SRGAP2: variants seen among roughly 807,000 people sequenced by gnomAD.
SRGAP2 encodes SLIT-ROBO Rho GTPase activating protein 2, also known as SLIT-ROBO Rho GTPase-activating protein 2.
In SRGAP2, 15 loss-of-function variants were observed where a neutral mutation model predicts 57.2. That is an observed-to-expected ratio of 0.26 (90% CI 0.18 to 0.40). SRGAP2 has a LOEUF of 0.40. Ranked by LOEUF, SRGAP2 falls within the 10% of genes least tolerant of loss-of-function variation. The pLI, the probability that SRGAP2 is intolerant of heterozygous loss-of-function variation, is 1.00. For synonymous variants in SRGAP2, 249 were observed against 248.0 expected, an observed-to-expected ratio of 1.00 and a Z score of -0.04; for missense variants, 520 against 669.6, an observed-to-expected ratio of 0.78 and a Z score of 2.47.
chr1:206,389,284 C>T (rs1656669100), intron 5 of SRGAP2, among the ~76,000 whole-genome samples: 1 of 147,626 alleles, frequency 6.8e-6, no homozygotes, highest in Non-Finnish European at 1.5e-5. Context: ...ATGCCATTCT[C>T]CTGCCTCAGC....
chr1:206,405,035 GC>G (rs1430987241), intron 8 of SRGAP2: 1 of 113,672 alleles, frequency 8.8e-6, no homozygotes, highest in Non-Finnish European at 1.9e-5. Context: ...ACCTACCCCT[GC>G]CGGGCTCCAA....
At chr1:206,421,386 A>G (rs1660292970) in intron 13 of SRGAP2, 112 bp downstream of exon 13, 2 of 526,812 alleles carry the variant, frequency 3.8e-6, no homozygotes, top group Non-Finnish European at 6.9e-6. Flanking sequence ...TCATGCCTGC[A>G]TTTGGAATGT....
intron 14 of SRGAP2, 56 bp from the exon 15 acceptor site, chr1:206,436,909 C>G (rs1553370224): frequency 1.3e-6 from 1 of 779,440 alleles, no homozygotes; most frequent in Non-Finnish European, 2.4e-6. Context: ...AAGCTTGGCA[C>G]TATGCTTGTG....
In SRGAP2 at chr1:206,231,763, C is replaced by T. The variant is rs376048098; in HGVS notation, c.67+25726C>T. On this transcript the variant is annotated intron_variant, in intron 2 of 22. Transcript: ENST00000573034. ...ATGTTGAGCAGGCTGGTCTTGAACTCCAGGCCTCGAGCAATCCACCTGCCT... is the reference window on the plus strand; with the variant it reads ...ATGTTGAGCAGGCTGGTCTTGAACTTCAGGCCTCGAGCAATCCACCTGCCT... 5.0e-4 allele frequency among the ~76,000 whole-genome samples: 75 copies of T among 151,482 alleles called. 1 individual carries two copies. In the East Asian group the frequency reaches 0.011, roughly 22 times the overall value.
intron 3 of SRGAP2, among the ~76,000 whole-genome samples, chr1:206,334,436 C>T (rs1241004868): frequency 6.6e-6 from 1 of 151,984 alleles, no homozygotes; most frequent in Non-Finnish European, 1.5e-5. Flanking sequence ...TATAGTTTCA[C>T]AGAATCAAGA....
At chr1:206,315,821 G>GC (rs1489570853) in intron 3 of SRGAP2, among the ~76,000 whole-genome samples, 2 of 149,272 alleles carry the variant, frequency 1.3e-5, no homozygotes, top group Non-Finnish European at 3.0e-5. Context: ...GTGACCTTAA[G>GC]CAAGTCACTT....
chr1:206,445,396 G>A (rs1253104777), intron 17 of SRGAP2, among the ~76,000 whole-genome samples: 1 of 152,200 alleles, frequency 6.6e-6, no homozygotes, highest in Non-Finnish European at 1.5e-5. Flanking sequence ...GAGGAAGCCC[G>A]AGCAGAAGCC....
intron 2 of SRGAP2, among the ~76,000 whole-genome samples, chr1:206,225,780 T>G (rs1667240069): frequency 1.3e-5 from 2 of 152,210 alleles, no homozygotes; most frequent in African/African-American, 4.8e-5. Context: ...AATAGCATTT[T>G]CTTTCCCTGT....
intron 3 of SRGAP2, chr1:206,333,495 G>A (rs1202755952): frequency 1.1e-5 from 16 of 1,453,008 alleles, no homozygotes; most frequent in Admixed American, 5.1e-5. Context: ...TGGTGCGGGC[G>A]GCGCGGCTCT....
At chr1:206,394,323 A>G (rs1257400795) in intron 7 of SRGAP2, among the ~76,000 whole-genome samples, 1 of 152,016 alleles carries the variant, frequency 6.6e-6, no homozygotes, top group Non-Finnish European at 1.5e-5. Flanking sequence ...CGACTTCCCA[A>G]AGTGCTAGGA....
intron 21 of SRGAP2, among the ~76,000 whole-genome samples, chr1:206,457,823 C>A (rs1487492682): frequency 6.6e-6 from 1 of 152,220 alleles, no homozygotes; most frequent in East Asian, 1.9e-4. Context: ...CAGAGCTGTT[C>A]AGCAGCCATC....
intron 5 of SRGAP2, among the ~76,000 whole-genome samples, chr1:206,391,602 T>TAC (rs1656958038): frequency 1.8e-5 from 2 of 113,190 alleles, no homozygotes; most frequent in Admixed American, 1.8e-4. Flanking sequence ...ACTCCTGTGT[T>TAC]ACACACACAC....
At chr1:206,414,456 A>G (rs750186244) in intron 10 of SRGAP2, among the ~76,000 whole-genome samples, 9 of 152,218 alleles carry the variant, frequency 5.9e-5, no homozygotes, top group Non-Finnish European at 1.0e-4. Flanking sequence ...AACTATTACC[A>G]TTTAAAATGG....
intron 18 of SRGAP2, among the ~76,000 whole-genome samples, chr1:206,449,462 T>C (rs1444508772): frequency 4.5e-5 from 6 of 134,388 alleles, no homozygotes; most frequent in South Asian, 2.4e-4. Flanking sequence ...TTTTTTTTTT[T>C]CTTTTTTTGT....
At position 206,454,552 on chromosome 1, in the gene SRGAP2, G is replaced by A; in HGVS notation, c.2361-326G>A. 2.4e-6 allele frequency: 1 copy of A among 408,740 alleles called. No individual in the cohort carries two copies. Among genetic ancestry groups the A allele is most frequent in the Non-Finnish European group, 4.4e-6 (1 of 229,700 alleles). The allele number at this position is 408,740 out of a possible 1,614,324, so 25.3% of individuals were successfully genotyped here. ...CTGGACTTGCCGCCTCCTTCTCCAGGAGGCCGCCCCAGCACGGCCTCCCCA... is the reference window on the plus strand; with the variant it reads ...CTGGACTTGCCGCCTCCTTCTCCAGAAGGCCGCCCCAGCACGGCCTCCCCA... On this transcript the variant is annotated intron_variant, in intron 20 of 22. Coordinates refer to ENST00000573034, the MANE Select transcript of SRGAP2 (RefSeq NM_015326.5). This position sits in a 1 kb window ranked among gnomAD's most constrained non-coding sequence, Gnocchi z 4.3.
In SRGAP2 at chr1:206,364,299, C is replaced by CTTTTT. The variant is rs1194605542; in HGVS notation, c.424-19699_424-19695dup. 9.4e-4 allele frequency among the ~76,000 whole-genome samples: 111 copies of CTTTTT among 118,568 alleles called. 2 individuals are homozygous for CTTTTT. The highest frequency in any genetic ancestry group is 3.5e-3 in the African/African-American group (106 of 30,026). The allele number at this position is 118,568 out of a possible 152,430, so 77.8% of individuals were successfully genotyped here. A position where few individuals can be genotyped will look rare whatever the true frequency, so the allele number is the denominator to read the frequency against. On this transcript the variant is annotated intron_variant, in intron 4 of 22. Transcript: ENST00000573034. ...TCTATATAACCTCTGGGTTGCTCTT[C>CTTTTT]TTTTTTTTTTTTTTTTTTTTGAGAT...
chr1:206,450,393 C>T lies in SRGAP2; in HGVS notation c.2107C>T (p.Pro703Ser). 1 of 780,814 alleles carries T rather than the reference C, an allele frequency of 1.3e-6. No homozygotes were observed. The highest frequency in any genetic ancestry group is 2.4e-6 in the Non-Finnish European group (1 of 417,980). 48.4% of individuals were successfully genotyped at this position (780,814 alleles called of 1,614,324 possible). A position where few individuals can be genotyped will look rare whatever the true frequency, so the allele number is the denominator to read the frequency against. ...CTCTTGCTTCTGTTGCAGTGATAGCCCTCATGGAGAGACTACCTCGGTTGA... is the reference window on the plus strand; with the variant it reads ...CTCTTGCTTCTGTTGCAGTGATAGCTCTCATGGAGAGACTACCTCGGTTGA... The part of the protein sequence containing the change: ...GGSMEDYCDS[P>S]HGETTSVEDS... The change falls in exon 19 of 23, where the codon CCT (proline) becomes TCT (serine). Residue 703 changes from proline (P) to serine (S), a missense_variant. Physicochemically the swap from Pro to Ser is moderately conservative, Grantham distance 74. This residue lies in a region of SRGAP2 where 478 missense variants were observed against 373.6 expected (regional missense o/e 1.28). Transcript: ENST00000573034.
chr1:206,461,765 A>T lies in SRGAP2; in HGVS notation c.*345A>T, dbSNP rs545087400. On this transcript the variant is annotated 3_prime_UTR_variant, in exon 23 of 23. Transcript: ENST00000573034. The stretch of plus-strand genomic sequence containing the variant: ...GTCTCAGTCCCCTCAGACCACGGTG[A>T]TGCCTTGACCAGATGGTTGGCTACT... 27 of 229,680 alleles carry T rather than the reference A, an allele frequency of 1.2e-4. No individual in the cohort carries two copies. The highest frequency in any genetic ancestry group is 1.6e-4 in the Non-Finnish European group (19 of 116,590). The allele number at this position is 229,680 out of a possible 1,614,324, so 14.2% of individuals were successfully genotyped here.
At chr1:206,444,816 C>T (rs979728957) in intron 17 of SRGAP2, among the ~76,000 whole-genome samples, 1 of 152,224 alleles carries the variant, frequency 6.6e-6, no homozygotes, top group Non-Finnish European at 1.5e-5. Flanking sequence ...TAACCTCCCC[C>T]GTTGCTGGCC....
Sources: allele counts gnomAD v4.1 joint callset (sites outside exome capture counted in the v4.1 genomes callset), GRCh38; gene constraint gnomAD v4.1.1; regional missense constraint gnomAD v4.1.1; non-coding constraint Gnocchi (gnomAD v3.1); transcripts MANE v1.5; gene names NCBI Gene and HGNC (gene_info 2026-07-23, HGNC 2026-07-21).